NTM: variants seen among roughly 807,000 people sequenced by gnomAD.
NTM encodes the protein neurotrimin, also known as IgLON family member 2.
A neutral mutation model predicts 42.1 loss-of-function variants in NTM; 13 were observed. The observed-to-expected ratio is 0.31, with a 90% CI of 0.20 to 0.49. The LOEUF (loss-of-function observed/expected upper bound fraction) is 0.49, where lower values mean the gene tolerates loss of function less well. Ranked by LOEUF, NTM falls within the 20% of genes least tolerant of loss-of-function variation. The pLI, the probability that NTM is intolerant of heterozygous loss-of-function variation, is 0.99. For synonymous variants in NTM, 187 were observed against 179.2 expected (o/e 1.04, Z -0.35); for missense variants, 373 against 452.8 (o/e 0.82, Z 1.60).
chr11:131,957,058 C>CA (rs1270198286), intron 2 of NTM, among the ~76,000 whole-genome samples: 3 of 152,132 alleles, frequency 2.0e-5, no homozygotes, highest in Admixed American at 2.0e-4. Flanking sequence ...CTCTAATATG[C>CA]ATATTTAGTA....
intron 1 of NTM, among the ~76,000 whole-genome samples, chr11:131,450,268 G>A (rs1950381218): frequency 6.6e-6 from 1 of 152,144 alleles, no homozygotes; most frequent in African/African-American, 2.4e-5. Flanking sequence ...CAGTAGATGA[G>A]GAAGAAAGAC....
intron 7 of NTM, among the ~76,000 whole-genome samples, chr11:132,315,705 C>A (rs1199067238): frequency 6.6e-6 from 1 of 152,174 alleles, no homozygotes; most frequent in Admixed American, 6.5e-5. Flanking sequence ...TGCTCTGAAT[C>A]ACGAGCCTGC....
intron 3 of NTM, among the ~76,000 whole-genome samples, chr11:132,166,923 G>A (rs2075367103): frequency 6.6e-6 from 1 of 152,152 alleles, no homozygotes; most frequent in Admixed American, 6.6e-5. Flanking sequence ...TGTTTTAGAG[G>A]CATGTTGAAG....
At chr11:131,566,433 G>A (rs318949) in intron 1 of NTM, among the ~76,000 whole-genome samples, 87 of 21,846 alleles carry the variant, frequency 4.0e-3, no homozygotes, top group East Asian at 8.8e-3. Context: ...CTCGATGTGC[G>A]TGTGTGTGTG....
At chr11:132,211,781 A>G in intron 3 of NTM, 1 of 341,816 alleles carries the variant, frequency 2.9e-6, no homozygotes. Context: ...CAGCTATTCC[A>G]GTGTTGCAGT....
intron 1 of NTM, among the ~76,000 whole-genome samples, chr11:131,381,427 G>A (rs1327590124): frequency 6.6e-6 from 1 of 152,014 alleles, no homozygotes; most frequent in East Asian, 1.9e-4. Flanking sequence ...ATTTATAGTT[G>A]GATAAACCAT....
intron 1 of NTM, among the ~76,000 whole-genome samples, chr11:131,730,322 A>T (rs1342384125): frequency 6.6e-6 from 1 of 152,206 alleles, no homozygotes; most frequent in Non-Finnish European, 1.5e-5. Context: ...CCACATAAAG[A>T]CATGGACACA....
chr11:131,974,659 TA>T (rs1033325604), intron 2 of NTM, among the ~76,000 whole-genome samples: 1 of 152,194 alleles, frequency 6.6e-6, no homozygotes, highest in African/African-American at 2.4e-5. Flanking sequence ...CTGGCATTTA[TA>T]AAAAACATGA....
intron 1 of NTM, among the ~76,000 whole-genome samples, chr11:131,550,697 T>C (rs1227251076): frequency 2.6e-5 from 4 of 152,144 alleles, no homozygotes; most frequent in South Asian, 2.1e-4. Context: ...CTTCATAGCA[T>C]TGTGAAAACA....
At chr11:131,604,514 A>G (rs914741788) in intron 1 of NTM, among the ~76,000 whole-genome samples, 2 of 152,104 alleles carry the variant, frequency 1.3e-5, no homozygotes, top group Middle Eastern at 6.3e-3. Flanking sequence ...GAATCATAAA[A>G]GTTTTAATTT....
chr11:132,292,704 G>T (rs1400166080), intron 4 of NTM, among the ~76,000 whole-genome samples: 1 of 149,214 alleles, frequency 6.7e-6, no homozygotes, highest in Non-Finnish European at 1.5e-5. Flanking sequence ...AGGGAGGGAG[G>T]CGAAGGAGTT....
intron 1 of NTM, among the ~76,000 whole-genome samples, chr11:131,580,065 G>A (rs935551504): frequency 5.9e-5 from 9 of 152,152 alleles, no homozygotes; most frequent in South Asian, 2.1e-4. Context: ...GGAGGGCTGC[G>A]TGATGAGGTT....
chr11:131,513,546 A>G (rs2048520041), intron 1 of NTM, among the ~76,000 whole-genome samples: 1 of 152,234 alleles, frequency 6.6e-6, no homozygotes, highest in Non-Finnish European at 1.5e-5. Context: ...TTAAGGACTG[A>G]GAGCGGCTTC....
intron 1 of NTM, among the ~76,000 whole-genome samples, chr11:131,762,797 T>C (rs1369059649): frequency 1.3e-5 from 2 of 152,024 alleles, no homozygotes; most frequent in Non-Finnish European, 2.9e-5. Context: ...ACAGGCCTGA[T>C]GGAGAACTGA....
chr11:131,611,613 T>C (rs1249801875), intron 1 of NTM, among the ~76,000 whole-genome samples: 1 of 152,170 alleles, frequency 6.6e-6, no homozygotes, highest in Non-Finnish European at 1.5e-5. Flanking sequence ...GCTGAGGACC[T>C]AAACACACAT....
chr11:131,574,919 C>T (rs1477360704), intron 1 of NTM, among the ~76,000 whole-genome samples: 2 of 152,048 alleles, frequency 1.3e-5, no homozygotes, highest in Non-Finnish European at 2.9e-5. Context: ...TAGCAGCAAT[C>T]CTCCTGATTT....
At chr11:131,850,395 C>T (rs994620958) in intron 1 of NTM, among the ~76,000 whole-genome samples, 1 of 152,166 alleles carries the variant, frequency 6.6e-6, no homozygotes, top group Non-Finnish European at 1.5e-5. Flanking sequence ...AGCTTAGCCA[C>T]TCTGATGATA....
At chr11:131,910,052 A>G (rs1248165014) in intron 1 of NTM, 1 of 152,152 alleles carries the variant, frequency 6.6e-6, no homozygotes, top group African/African-American at 2.4e-5. Context: ...GCACACTAAG[A>G]GGCTTCTGTG....
In NTM at chr11:132,314,691, A is replaced by G; in HGVS notation, c.922A>G (p.Ile308Val). 6.2e-7 allele frequency: 1 copy of G among 1,612,966 alleles called. No homozygotes were observed. Among genetic ancestry groups the G allele is most frequent in the Non-Finnish European group, 8.5e-7 (1 of 1,179,580 alleles). Residue 308 changes from isoleucine to valine, a missense_variant, in exon 7 of 9, where the codon ATC (isoleucine) becomes GTC (valine). By Grantham distance (29) the Ile-to-Val change is conservative. Transcript: ENST00000683400. Reference protein sequence around the residue: ...SNKLGHTNASIMLFEVKTTAL... With the variant: ...SNKLGHTNASVMLFEVKTTAL... The stretch of plus-strand genomic sequence containing the variant: ...CAAGCTGGGCCACACCAATGCCAGC[A>G]TCATGCTATTTGGTGAGACTGTGCT...
Sources: allele counts gnomAD v4.1 joint callset (sites outside exome capture counted in the v4.1 genomes callset), GRCh38; gene constraint gnomAD v4.1.1; transcripts MANE v1.5; gene names NCBI Gene and HGNC (gene_info 2026-07-23, HGNC 2026-07-21).